WDR47: variants seen among roughly 807,000 people sequenced by gnomAD.
WDR47 encodes the protein WD repeat-containing protein 47.
Under a neutral mutation model 97.2 loss-of-function variants are expected in WDR47, and 32 were observed. That is an observed-to-expected ratio of 0.33 (90% confidence interval 0.25 to 0.44). The LOEUF (loss-of-function observed/expected upper bound fraction) is 0.44. Ranked by LOEUF, WDR47 falls within the 20% of genes least tolerant of loss-of-function variation. The pLI, the probability that WDR47 is intolerant of heterozygous loss-of-function variation, is 1.00. For missense variants in WDR47, 782 were observed against 1,102.3 expected, an observed-to-expected ratio of 0.71 and a Z score of 4.11; for synonymous variants, 375 against 373.5, an observed-to-expected ratio of 1.00 and a Z score of -0.05.
chr1:109,002,115 G>A, intron 7 of WDR47, 109 bp downstream of exon 7: 1 of 1,245,666 alleles, frequency 8.0e-7, no homozygotes, highest in Non-Finnish European at 1.1e-6. Flanking sequence ...TACTTCAAAT[G>A]CGTAAAAAGC....
intron 13 of WDR47, among the ~76,000 whole-genome samples, chr1:108,975,288 AT>A (rs1228345975): frequency 6.6e-6 from 1 of 151,622 alleles, no homozygotes; most frequent in Non-Finnish European, 1.5e-5. Flanking sequence ...AAAATAAATA[AT>A]TTTATTTTAT....
At chr1:109,022,624 G>C (rs1313681310) in intron 2 of WDR47, among the ~76,000 whole-genome samples, 1 of 152,128 alleles carries the variant, frequency 6.6e-6, no homozygotes. Context: ...TCACTCTGCT[G>C]CCCAGGCTGG....
intron 13 of WDR47, among the ~76,000 whole-genome samples, chr1:108,981,264 G>A (rs780662948): frequency 6.6e-6 from 1 of 152,074 alleles, no homozygotes; most frequent in Non-Finnish European, 1.5e-5. Flanking sequence ...GCGTGTGTGT[G>A]TATTTGTGTT....
chr1:108,972,763 T>G (rs1056548188), intron 14 of WDR47, among the ~76,000 whole-genome samples: 4 of 152,028 alleles, frequency 2.6e-5, no homozygotes, highest in Non-Finnish European at 5.9e-5. Flanking sequence ...AAGGCTAACA[T>G]GGTGAAACTC....
In WDR47 at chr1:109,011,490, C is replaced by G; in HGVS notation, c.556G>C (p.Gly186Arg). The change falls in exon 5 of 15, where the codon GGT becomes CGT. Residue 186 changes from glycine (G) to arginine (R), a missense_variant. This residue lies in a region of WDR47 where 428 missense variants were observed against 584.3 expected (regional missense o/e 0.73). Coordinates refer to ENST00000369962, the MANE Select transcript of WDR47 (RefSeq NM_001142551.2). ...AAACGATTGTTACTAGCCTTAAAAC[C>G]AGCTTCACTTAGCTTCCTATCAGCA... Reference protein sequence around the residue: ...IPADRKLSEAGFKASNNRLFQ... With the variant: ...IPADRKLSEARFKASNNRLFQ... 1 of 1,614,176 alleles carries G rather than the reference C, an allele frequency of 6.2e-7. No homozygotes were observed. Among genetic ancestry groups the G allele is most frequent in the Non-Finnish European group, 8.5e-7 (1 of 1,180,034 alleles).
At chr1:109,013,693 T>C (rs945099172) in intron 4 of WDR47, 148 bp downstream of exon 4, 2 of 737,692 alleles carry the variant, frequency 2.7e-6, no homozygotes, top group Non-Finnish European at 2.2e-6. Flanking sequence ...AGAATGAAAA[T>C]ACTACACCTG....
chr1:108,973,000 G>GTC (rs1210661884), intron 14 of WDR47, among the ~76,000 whole-genome samples: 9 of 149,240 alleles, frequency 6.0e-5, no homozygotes, highest in African/African-American at 2.0e-4. Context: ...ATTCTTCTGT[G>GTC]TCTCTCTCTC....
intron 7 of WDR47, among the ~76,000 whole-genome samples, chr1:108,997,829 A>G (rs894846230): frequency 1.3e-4 from 20 of 151,996 alleles, no homozygotes; most frequent in African/African-American, 3.9e-4. Flanking sequence ...GGAGGAAAGA[A>G]GATTTAGACC....
chr1:108,971,785 T>C (rs1298641261), intron 14 of WDR47, among the ~76,000 whole-genome samples: 3 of 152,276 alleles, frequency 2.0e-5, no homozygotes, highest in Admixed American at 6.5e-5. Flanking sequence ...ATTTGACAAG[T>C]TGCCTCTCTC....
chr1:108,978,493 C>CAAAAA, intron 13 of WDR47, among the ~76,000 whole-genome samples: 1 of 92,762 alleles, frequency 1.1e-5, no homozygotes, highest in Non-Finnish European at 2.4e-5. Context: ...GTCTCAAAAG[C>CAAAAA]AAAAAAAAAA....
chr1:109,008,166 T>TA (rs1660765124), intron 5 of WDR47, among the ~76,000 whole-genome samples: 1 of 152,128 alleles, frequency 6.6e-6, no homozygotes, highest in South Asian at 2.1e-4. Flanking sequence ...TGATTGAAGT[T>TA]AGATTCTCCT....
intron 13 of WDR47, 59 bp downstream of exon 13, chr1:108,981,671 AAGT>A (rs1206444836): frequency 1.3e-6 from 2 of 1,500,778 alleles, no homozygotes; most frequent in Non-Finnish European, 1.8e-6. Flanking sequence ...AGGGGAGAAG[AAGT>A]AGACTAGTCT....
intron 7 of WDR47, among the ~76,000 whole-genome samples, chr1:108,997,229 T>C (rs1659816936): frequency 6.8e-6 from 1 of 146,140 alleles, no homozygotes; most frequent in Admixed American, 6.9e-5. Context: ...AGTTTGAGAC[T>C]AGCCTGGGCA....
At chr1:109,010,671 C>A (rs569321279) in intron 5 of WDR47, among the ~76,000 whole-genome samples, 7 of 150,846 alleles carry the variant, frequency 4.6e-5, no homozygotes, top group African/African-American at 1.5e-4. Flanking sequence ...CAAGCTCCCC[C>A]TCCCGGGTTC....
chr1:109,025,576 A>T (rs944318034), intron 1 of WDR47, among the ~76,000 whole-genome samples: 2 of 152,038 alleles, frequency 1.3e-5, no homozygotes, highest in African/African-American at 2.4e-5. Flanking sequence ...TCTACTAAAA[A>T]TACAAAAATT....
At chr1:108,999,262 C>T (rs1190375401) in intron 7 of WDR47, among the ~76,000 whole-genome samples, 1 of 150,166 alleles carries the variant, frequency 6.7e-6, no homozygotes, top group East Asian at 1.9e-4. Context: ...AGGGTTAGAA[C>T]AGAATAGATA....
At position 108,991,279 on chromosome 1, in the gene WDR47, C is replaced by T; in HGVS notation, c.1742G>A (p.Ser581Asn). Residue 581 changes from serine (S) to asparagine (N), a missense_variant, in exon 9 of 15, where the codon AGT becomes AAT. Transcript: ENST00000369962. Reference sequence around the variant, plus strand: ...CTCTTCCCCTTTCGACCTTGAAAGACTCCCTGGAGAATCTCCAAGAGGTGG... The same window carrying T: ...CTCTTCCCCTTTCGACCTTGAAAGATTCCCTGGAGAATCTCCAAGAGGTGG... ...IKPPLGDSPG[S>N]LSRSKGEEDD... 1 of 1,613,352 alleles carries T rather than the reference C, an allele frequency of 6.2e-7. No homozygotes were observed. The highest frequency in any genetic ancestry group is 8.5e-7 in the Non-Finnish European group (1 of 1,179,450).
chr1:109,020,886 A>AT (rs36061329), intron 2 of WDR47, among the ~76,000 whole-genome samples: 120,070 of 142,504 alleles, frequency 0.84, 50,694 homozygotes, highest in East Asian at 0.98. Context: ...GGAACACTTC[A>AT]TTTTTTTTTT....
chr1:109,001,479 T>C (rs1660185294), intron 7 of WDR47, among the ~76,000 whole-genome samples: 1 of 152,100 alleles, frequency 6.6e-6, no homozygotes, highest in Admixed American at 6.5e-5. Flanking sequence ...TTAGTAACAA[T>C]AAAAATAGCA....
Sources: allele counts gnomAD v4.1 joint callset (sites outside exome capture counted in the v4.1 genomes callset), GRCh38; gene constraint gnomAD v4.1.1; regional missense constraint gnomAD v4.1.1; transcripts MANE v1.5; gene names NCBI Gene and HGNC (gene_info 2026-07-23, HGNC 2026-07-21).